MVB12B: variants seen among roughly 807,000 people sequenced by gnomAD.
MVB12B encodes the protein multivesicular body subunit 12B.
Under a neutral mutation model 41.6 loss-of-function variants are expected in MVB12B, and 16 were observed. That is an observed-to-expected ratio of 0.38 (90% CI 0.26 to 0.58). MVB12B has a LOEUF of 0.58. Ranked by LOEUF, MVB12B falls within the 20% of genes least tolerant of loss-of-function variation. The pLI, the probability that MVB12B is intolerant of heterozygous loss-of-function variation, is 0.62. For missense variants in MVB12B, 274 were observed against 380.2 expected (o/e 0.72, Z 2.32); for synonymous variants, 133 against 139.7 (o/e 0.95, Z 0.34).
Position 126,395,830 on chromosome 9 carries a change from T to A in MVB12B, c.662+133T>A. 6.8e-7 allele frequency: 1 copy of A among 1,467,420 alleles called. No homozygotes were observed. The highest frequency in any genetic ancestry group is 1.4e-5 in the African/African-American group (1 of 70,852). 90.9% of individuals were successfully genotyped at this position (1,467,420 alleles called of 1,614,324 possible). A position where few individuals can be genotyped will look rare whatever the true frequency, so the allele number is the denominator to read the frequency against. On this transcript the variant is annotated intron_variant, in intron 6 of 9. Transcript: ENST00000361171. The surrounding 1 kb of genome is among the most constrained non-coding windows in gnomAD (Gnocchi z 4.9). Reference sequence around the variant, plus strand: ...GAATAATTGTAGAAGCAATATATCTTTAGAGGAGATTTTTAAAAATCCACT... The same window carrying A: ...GAATAATTGTAGAAGCAATATATCTATAGAGGAGATTTTTAAAAATCCACT...
chr9:126,502,674 G>T (rs749202095), intron 9 of MVB12B, among the ~76,000 whole-genome samples: 58 of 152,174 alleles, frequency 3.8e-4, no homozygotes, highest in Non-Finnish European at 6.8e-4. Flanking sequence ...CCCCTCCCAT[G>T]ACCCTGGGCA....
chr9:126,401,238 A>G (rs1485764744), intron 6 of MVB12B, among the ~76,000 whole-genome samples: 2 of 152,186 alleles, frequency 1.3e-5, no homozygotes, highest in Non-Finnish European at 2.9e-5. Context: ...CTCCCCTGCA[A>G]GATGCAGCTC....
intron 4 of MVB12B, among the ~76,000 whole-genome samples, chr9:126,387,793 G>C (rs1830839787): frequency 6.6e-6 from 1 of 152,100 alleles, no homozygotes; most frequent in South Asian, 2.1e-4. Flanking sequence ...CTTTAGAGAT[G>C]GACATTATTA....
chr9:126,370,428 G>A lies in MVB12B; in HGVS notation c.205-10636G>A, dbSNP rs1001406126. ...GACAGAGTCTCGTTCTGTTGCCTAGGCTGGAGTGCAGTGGCGCCATCTCAG... is the reference window on the plus strand; with the variant it reads ...GACAGAGTCTCGTTCTGTTGCCTAGACTGGAGTGCAGTGGCGCCATCTCAG... On this transcript the variant is annotated intron_variant, in intron 2 of 9. Transcript: ENST00000361171. Among the ~76,000 whole-genome samples the A allele has an allele frequency of 9.3e-5, 14 of 150,268 alleles. No homozygotes were observed. In the East Asian group the frequency reaches 1.2e-3, roughly 13 times the overall value.
chr9:126,326,939 T>C lies in MVB12B; in HGVS notation c.10T>C (p.Cys4Arg). ...CCGCGCCGCCCGGGCGATGAGAAGC[T>C]GCTTCTGCGTGAGACGGAGCCGGGA... MRS[C>R]FCVRRSRDPP... The change falls in exon 1 of 10, where the codon TGC (cysteine) becomes CGC (arginine). Residue 4 changes from cysteine to arginine, a missense_variant. Coordinates refer to ENST00000361171, the MANE Select transcript of MVB12B (RefSeq NM_033446.3). 3.7e-6 allele frequency: 1 copy of C among 271,062 alleles called. No homozygotes were observed. The highest frequency in any genetic ancestry group is 7.4e-6 in the Non-Finnish European group (1 of 135,608). The allele number at this position is 271,062 out of a possible 1,614,324, so 16.8% of individuals were successfully genotyped here.
At chr9:126,495,730 A>G (rs1416794770) in intron 9 of MVB12B, among the ~76,000 whole-genome samples, 4 of 152,088 alleles carry the variant, frequency 2.6e-5, no homozygotes, top group Non-Finnish European at 5.9e-5. Context: ...AGGGTCTGGA[A>G]TTGTATCTCC....
At chr9:126,414,410 C>T (rs1215556482) in intron 6 of MVB12B, among the ~76,000 whole-genome samples, 1 of 152,178 alleles carries the variant, frequency 6.6e-6, no homozygotes, top group Non-Finnish European at 1.5e-5. Flanking sequence ...CGGGCAGTTC[C>T]GTGGGCAGGG....
chr9:126,394,228 AC>A (rs1193125372), intron 5 of MVB12B, among the ~76,000 whole-genome samples: 1 of 152,242 alleles, frequency 6.6e-6, no homozygotes, highest in Non-Finnish European at 1.5e-5. Context: ...GCACCCATTT[AC>A]ATACAAATGG....
intron 7 of MVB12B, among the ~76,000 whole-genome samples, chr9:126,475,787 G>C (rs1482108546): frequency 6.6e-6 from 1 of 152,202 alleles, no homozygotes; most frequent in Non-Finnish European, 1.5e-5. Flanking sequence ...TTGGGAAGTC[G>C]GGCTGGGAAA....
intron 6 of MVB12B, among the ~76,000 whole-genome samples, chr9:126,406,072 T>C (rs189376268): frequency 3.9e-4 from 59 of 151,342 alleles, no homozygotes; most frequent in Middle Eastern, 3.4e-3. Flanking sequence ...TGAGACGAAG[T>C]CTTGCTCTGT....
chr9:126,396,675 A>C, intron 6 of MVB12B: 2 of 985,474 alleles, frequency 2.0e-6, no homozygotes, highest in Non-Finnish European at 2.4e-6. Context: ...CAAAGCCCTG[A>C]GGACTCTGTC....
chr9:126,406,167 G>A (rs1043019501), intron 6 of MVB12B, among the ~76,000 whole-genome samples: 7 of 152,150 alleles, frequency 4.6e-5, no homozygotes, highest in Middle Eastern at 3.4e-3. Context: ...TAGAGGGGCT[G>A]TGAGCAGAGG....
intron 7 of MVB12B, among the ~76,000 whole-genome samples, chr9:126,456,122 C>A (rs977060217): frequency 1.3e-5 from 2 of 151,998 alleles, no homozygotes; most frequent in Non-Finnish European, 2.9e-5. Flanking sequence ...AACTCCTGAC[C>A]TTAGGTGATC....
chr9:126,422,291 C>A (rs532657073), intron 7 of MVB12B, among the ~76,000 whole-genome samples: 190 of 152,298 alleles, frequency 1.2e-3, no homozygotes, highest in Non-Finnish European at 2.3e-3. Context: ...CCGAGCTGAG[C>A]CCTGGTCGGC....
At chr9:126,439,197 C>G (rs765787223) in intron 7 of MVB12B, among the ~76,000 whole-genome samples, 148 of 151,712 alleles carry the variant, frequency 9.8e-4, no homozygotes, top group Non-Finnish European at 1.7e-3. Context: ...TCTGGAGAAA[C>G]AAAGACAAGC....
At chr9:126,370,633 C>T (rs920824326) in intron 2 of MVB12B, among the ~76,000 whole-genome samples, 3 of 152,016 alleles carry the variant, frequency 2.0e-5, no homozygotes, top group Non-Finnish European at 2.9e-5. Context: ...CCACCCACCT[C>T]GACCTCCCAA....
At chr9:126,479,541 C>T (rs188606516) in intron 7 of MVB12B, among the ~76,000 whole-genome samples, 1 of 152,346 alleles carries the variant, frequency 6.6e-6, no homozygotes, top group East Asian at 1.9e-4. Context: ...GCGGGACGTA[C>T]TGAGTGAGAT....
chr9:126,353,290 A>G (rs1829800716), intron 2 of MVB12B, among the ~76,000 whole-genome samples: 1 of 152,220 alleles, frequency 6.6e-6, no homozygotes, highest in East Asian at 1.9e-4. Context: ...TACTGTATAA[A>G]TACACTCTCA....
chr9:126,484,208 A>C (rs2286885), intron 9 of MVB12B, among the ~76,000 whole-genome samples, 176 bp downstream of exon 9: 60,969 of 152,144 alleles, frequency 0.4, 13,057 homozygotes, highest in East Asian at 0.71. Flanking sequence ...TAAAGTAACT[A>C]AATTCTAATG....
Sources: allele counts gnomAD v4.1 joint callset (sites outside exome capture counted in the v4.1 genomes callset), GRCh38; gene constraint gnomAD v4.1.1; non-coding constraint Gnocchi (gnomAD v3.1); transcripts MANE v1.5; gene names NCBI Gene and HGNC (gene_info 2026-07-23, HGNC 2026-07-21).